THRB: variants seen among roughly 807,000 people sequenced by gnomAD.
THRB encodes nuclear receptor subfamily 1 group A member 2.
In THRB, 12 loss-of-function variants were observed where a neutral mutation model predicts 47.8. That is an observed-to-expected ratio of 0.25 (90% CI 0.16 to 0.41). The LOEUF (loss-of-function observed/expected upper bound fraction) is 0.41, where lower values mean the gene tolerates loss of function less well. THRB is among the 10% of genes least tolerant of loss of function. The probability of loss-of-function intolerance (pLI) is 1.00; values close to 1 mark genes in which losing one functional copy is unlikely to be tolerated. For synonymous variants in THRB, 218 were observed against 212.2 expected (o/e 1.03, Z -0.24); for missense variants, 348 against 589.2 (o/e 0.59, Z 4.24).
intron 3 of THRB, among the ~76,000 whole-genome samples, chr3:24,278,802 T>C (rs1030059532): frequency 6.6e-6 from 1 of 152,232 alleles, no homozygotes; most frequent in Non-Finnish European, 1.5e-5. Context: ...TGCTCACTGA[T>C]GAATATGCAC....
intron 1 of THRB, among the ~76,000 whole-genome samples, chr3:24,493,548 G>A (rs1161600198): frequency 6.6e-6 from 1 of 152,190 alleles, no homozygotes; most frequent in Non-Finnish European, 1.5e-5. Flanking sequence ...ATAATGTGCT[G>A]AGGAAGAAGG....
At chr3:24,372,755 G>C (rs554100120) in intron 1 of THRB, among the ~76,000 whole-genome samples, 1 of 152,156 alleles carries the variant, frequency 6.6e-6, no homozygotes, top group East Asian at 1.9e-4. Context: ...TAAATGACAT[G>C]CTCAATGTCA....
intron 3 of THRB, among the ~76,000 whole-genome samples, chr3:24,259,339 T>G (rs1476094617): frequency 6.6e-6 from 1 of 152,036 alleles, no homozygotes; most frequent in Non-Finnish European, 1.5e-5. Flanking sequence ...TGGAAAAGAG[T>G]GTCCTTCCCT....
intron 1 of THRB, among the ~76,000 whole-genome samples, chr3:24,400,677 T>C (rs2067320041): frequency 6.6e-6 from 1 of 152,034 alleles, no homozygotes; most frequent in Non-Finnish European, 1.5e-5. Flanking sequence ...CGTAGGTCTA[T>C]ATATATTTCA....
At chr3:24,299,802 T>TTTTTTTTA (rs1363344985) in intron 2 of THRB, among the ~76,000 whole-genome samples, 5 of 132,946 alleles carry the variant, frequency 3.8e-5, no homozygotes, top group African/African-American at 1.4e-4. Flanking sequence ...TTTTTTTTTT[T>TTTTTTTTA]AGCAAACATA....
At position 24,122,840 on chromosome 3, in the gene THRB, C is replaced by T. The variant is rs896631833; in HGVS notation, c.*44G>A. 6.2e-7 allele frequency: 1 copy of T among 1,613,826 alleles called. No individual in the cohort carries two copies. Among genetic ancestry groups the T allele is most frequent in the Non-Finnish European group, 8.5e-7 (1 of 1,179,752 alleles). ...AGAGCTAGGCAATGGAATGAAATGA[C>T]ACCCAGTAGTGCTGTAGGAATTATG... On this transcript the variant is annotated 3_prime_UTR_variant, in exon 11 of 11. Transcript: ENST00000646209.
chr3:24,386,714 T>A (rs1484013031), intron 1 of THRB, among the ~76,000 whole-genome samples: 1 of 152,176 alleles, frequency 6.6e-6, no homozygotes, highest in Non-Finnish European at 1.5e-5. Context: ...TATAATTTTG[T>A]GATAAGACAC....
At chr3:24,158,880 T>G (rs1044563691) in intron 5 of THRB, among the ~76,000 whole-genome samples, 2 of 151,660 alleles carry the variant, frequency 1.3e-5, no homozygotes, top group African/African-American at 4.9e-5. Context: ...CTCGCATACT[T>G]GGGGGCATTG....
At chr3:24,277,463 T>G (rs2054045437) in intron 3 of THRB, among the ~76,000 whole-genome samples, 1 of 152,174 alleles carries the variant, frequency 6.6e-6, no homozygotes, top group Non-Finnish European at 1.5e-5. Context: ...CCAGAATTTT[T>G]GATTCAGTGA....
intron 1 of THRB, among the ~76,000 whole-genome samples, chr3:24,369,502 A>G (rs1478689770): frequency 6.6e-6 from 1 of 152,184 alleles, no homozygotes; most frequent in Non-Finnish European, 1.5e-5. Context: ...GAAAGAAAAC[A>G]TGAGTAGAAA....
chr3:24,332,794 C>T (rs2062006219), intron 2 of THRB, among the ~76,000 whole-genome samples: 1 of 152,182 alleles, frequency 6.6e-6, no homozygotes, highest in South Asian at 2.1e-4. Flanking sequence ...CAGTGGCTCA[C>T]GCCTGTAATC....
chr3:24,278,404 A>T (rs1231820140), intron 3 of THRB, among the ~76,000 whole-genome samples: 3 of 152,172 alleles, frequency 2.0e-5, no homozygotes, highest in Admixed American at 6.5e-5. Flanking sequence ...ATTTTATTCT[A>T]TTTGTGTGGT....
chr3:24,394,461 T>C (rs1162942292), intron 1 of THRB, among the ~76,000 whole-genome samples: 1 of 152,082 alleles, frequency 6.6e-6, no homozygotes, highest in Non-Finnish European at 1.5e-5. Flanking sequence ...CTGTTTCTAA[T>C]CCTACCTGCC....
intron 2 of THRB, among the ~76,000 whole-genome samples, chr3:24,307,439 C>T (rs1176540080): frequency 6.6e-6 from 1 of 151,750 alleles, no homozygotes. Context: ...TTATTTTTTT[C>T]CACCTAACAT....
intron 1 of THRB, among the ~76,000 whole-genome samples, chr3:24,373,805 T>A (rs2065080442): frequency 6.6e-6 from 1 of 152,130 alleles, no homozygotes; most frequent in African/African-American, 2.4e-5. Context: ...CCTGTAACAA[T>A]CGCTAAGTCT....
intron 1 of THRB, among the ~76,000 whole-genome samples, chr3:24,369,978 C>T (rs938513926): frequency 6.6e-6 from 1 of 152,036 alleles, no homozygotes; most frequent in Non-Finnish European, 1.5e-5. Flanking sequence ...AGGAGTCCTC[C>T]AAATTGACTT....
At chr3:24,249,189 T>G (rs9863517) in intron 3 of THRB, among the ~76,000 whole-genome samples, 131,343 of 152,212 alleles carry the variant, frequency 0.86, 57,148 homozygotes, top group African/African-American at 0.96. Flanking sequence ...AGAGTAGAAG[T>G]CTTCAAAGGA....
intron 1 of THRB, among the ~76,000 whole-genome samples, chr3:24,426,892 C>T (rs1460412694): frequency 6.6e-6 from 1 of 151,846 alleles, no homozygotes; most frequent in African/African-American, 2.4e-5. Flanking sequence ...AAAAACAAAG[C>T]CAGTGCCCAA....
At chr3:24,474,916 G>T (rs576751340) in intron 1 of THRB, among the ~76,000 whole-genome samples, 1 of 152,278 alleles carries the variant, frequency 6.6e-6, no homozygotes, top group East Asian at 1.9e-4. Flanking sequence ...TGTCCAATAC[G>T]CTGTAGGTAG....
Sources: allele counts gnomAD v4.1 joint callset (sites outside exome capture counted in the v4.1 genomes callset), GRCh38; gene constraint gnomAD v4.1.1; transcripts MANE v1.5; gene names NCBI Gene and HGNC (gene_info 2026-07-23, HGNC 2026-07-21).